The following TMTC2 variants were observed in gnomAD, a reference collection of about 807,000 sequenced individuals.
The protein encoded by TMTC2 is transmembrane O-mannosyltransferase targeting cadherins 2.
In TMTC2, 43 loss-of-function variants were observed where a neutral mutation model predicts 82.4. The observed-to-expected ratio is 0.52, with a 90% CI of 0.41 to 0.67. The LOEUF is 0.67. TMTC2 is among the 30% of genes least tolerant of loss of function. TMTC2 has a pLI of 0.00. For synonymous variants in TMTC2, 408 were observed against 381.9 expected (o/e 1.07, Z -0.80); for missense variants, 919 against 1,012.4 (o/e 0.91, Z 1.25).
intron 1 of TMTC2, among the ~76,000 whole-genome samples, chr12:82,733,927 A>C (rs1040353896): frequency 1.8e-4 from 27 of 152,176 alleles, no homozygotes; most frequent in African/African-American, 6.0e-4. Context: ...TTAGCTCACA[A>C]ATATTAATTG....
intron 3 of TMTC2, among the ~76,000 whole-genome samples, chr12:82,900,663 A>G (rs562823947): frequency 6.9e-6 from 1 of 143,924 alleles, no homozygotes; most frequent in East Asian, 2.1e-4. Flanking sequence ...GAATATATAT[A>G]TAGGAATATA....
chr12:82,995,003 A>G (rs973998352), intron 8 of TMTC2, among the ~76,000 whole-genome samples: 3 of 150,926 alleles, frequency 2.0e-5, no homozygotes, highest in African/African-American at 4.9e-5. Context: ...ACTTGACTTC[A>G]TAGCTTCCAG....
chr12:82,951,443 G>A (rs7295699), intron 4 of TMTC2, among the ~76,000 whole-genome samples: 111,383 of 151,904 alleles, frequency 0.73, 42,111 homozygotes, highest in South Asian at 0.85. Flanking sequence ...GGCACATGCC[G>A]CCACGCCCAG....
At chr12:82,958,272 T>C (rs1156891199) in intron 4 of TMTC2, among the ~76,000 whole-genome samples, 1 of 148,298 alleles carries the variant, frequency 6.7e-6, no homozygotes, top group Non-Finnish European at 1.5e-5. Context: ...GGAGAATCGC[T>C]TGAGCCTGGA....
intron 7 of TMTC2, among the ~76,000 whole-genome samples, chr12:82,973,755 T>C (rs937455697): frequency 1.1e-4 from 17 of 152,040 alleles, no homozygotes; most frequent in Admixed American, 6.6e-5. Flanking sequence ...AGAAGATATA[T>C]AGCCCCTACG....
chr12:82,734,027 T>C (rs1174050776), intron 1 of TMTC2, among the ~76,000 whole-genome samples: 1 of 152,218 alleles, frequency 6.6e-6, no homozygotes, highest in African/African-American at 2.4e-5. Context: ...TGTGAATTCA[T>C]TCATGTCTTC....
In TMTC2 at chr12:82,824,736, A is replaced by G. The variant is rs535429637; in HGVS notation, c.84-32274A>G. Among the ~76,000 whole-genome samples the G allele has an allele frequency of 2.0e-5, 3 of 152,108 alleles. No individual in the cohort carries two copies. The South Asian group carries it at 6.2e-4, about 32-fold the overall frequency. Reference sequence around the variant, plus strand: ...TTAGTATTTGAATTTTAAGCTTTCTAGTTAAGTAAGGGGGAGGCTAATTTT... The same window carrying G: ...TTAGTATTTGAATTTTAAGCTTTCTGGTTAAGTAAGGGGGAGGCTAATTTT... On this transcript the variant is annotated intron_variant, in intron 1 of 11. Coordinates refer to ENST00000321196, the MANE Select transcript of TMTC2 (RefSeq NM_152588.3).
chr12:83,048,785 C>T (rs771506029), intron 9 of TMTC2, among the ~76,000 whole-genome samples: 6 of 152,176 alleles, frequency 3.9e-5, no homozygotes, highest in East Asian at 1.9e-4. Context: ...TCTCCTGCCT[C>T]GGACACCCTA....
chr12:83,002,089 G>C (rs1427347165), intron 8 of TMTC2, among the ~76,000 whole-genome samples: 1 of 152,108 alleles, frequency 6.6e-6, no homozygotes, highest in Non-Finnish European at 1.5e-5. Flanking sequence ...AGAATTGTCT[G>C]TGAATCCATC....
Position 82,876,020 on chromosome 12 carries a change from AGTGGTGGCG to A in TMTC2, c.654+18448_654+18456del, listed in dbSNP as rs1469813148. On this transcript the variant is annotated intron_variant, in intron 2 of 11. Coordinates refer to ENST00000321196, the MANE Select transcript of TMTC2 (RefSeq NM_152588.3). The stretch of plus-strand genomic sequence containing the variant: ...TGGTATTGGTAATGGTAATGGTAGT[AGTGGTGGCG>A]GTGGTGGTGGTGGTGGTGGTGGTGG... 4.1e-4 allele frequency among the ~76,000 whole-genome samples: 31 copies of A among 75,658 alleles called. 1 individual carries two copies. Among genetic ancestry groups the A allele is most frequent in the Middle Eastern group, 8.9e-3 (1 of 112 alleles). The allele number at this position is 75,658 out of a possible 152,430, so 49.6% of individuals were successfully genotyped here.
At chr12:82,706,347 G>A (rs887049939) in intron 1 of TMTC2, among the ~76,000 whole-genome samples, 1 of 148,034 alleles carries the variant, frequency 6.8e-6, no homozygotes, top group Non-Finnish European at 1.5e-5. Context: ...AAAAAAGGAT[G>A]AGAGAGAGGA....
chr12:82,885,008 C>G (rs184527774), intron 2 of TMTC2, among the ~76,000 whole-genome samples: 6 of 152,266 alleles, frequency 3.9e-5, no homozygotes, highest in Admixed American at 2.6e-4. Context: ...ATCCTCCTTC[C>G]TCAGCCTCTC....
chr12:82,898,232 T>C (rs978577906), intron 3 of TMTC2, among the ~76,000 whole-genome samples: 4 of 152,212 alleles, frequency 2.6e-5, no homozygotes, highest in African/African-American at 9.6e-5. Flanking sequence ...TACTTCACAG[T>C]TTATTGAATG....
chr12:82,828,211 CTT>C (rs58399725), intron 1 of TMTC2, among the ~76,000 whole-genome samples: 13 of 109,656 alleles, frequency 1.2e-4, no homozygotes, highest in Admixed American at 2.0e-4. Context: ...TTTTCTTTGG[CTT>C]TTTTTTTTTT....
chr12:82,811,716 A>C (rs928427656), intron 1 of TMTC2, among the ~76,000 whole-genome samples: 1 of 148,714 alleles, frequency 6.7e-6, no homozygotes, highest in Non-Finnish European at 1.5e-5. Flanking sequence ...TATGAAAAGT[A>C]TTTTTTAATA....
At chr12:82,970,487 G>T (rs530151077) in intron 7 of TMTC2, among the ~76,000 whole-genome samples, 2 of 142,322 alleles carry the variant, frequency 1.4e-5, no homozygotes, top group African/African-American at 5.5e-5. Context: ...GCCCGCCACC[G>T]CGCCCGGCTA....
intron 8 of TMTC2, among the ~76,000 whole-genome samples, chr12:82,997,412 GTATATATATA>G (rs201322827): frequency 5.7e-5 from 2 of 35,244 alleles, no homozygotes; most frequent in Admixed American, 4.6e-4. Flanking sequence ...ATATATATGT[GTATATATATA>G]TATATACACA....
At chr12:83,054,978 G>T (rs1882486402) in intron 10 of TMTC2, among the ~76,000 whole-genome samples, 1 of 152,016 alleles carries the variant, frequency 6.6e-6, no homozygotes, top group East Asian at 1.9e-4. Context: ...ATAACCTACA[G>T]ACTCTACCAG....
chr12:82,718,862 G>A (rs1874026728), intron 1 of TMTC2, among the ~76,000 whole-genome samples: 1 of 151,586 alleles, frequency 6.6e-6, no homozygotes, highest in Non-Finnish European at 1.5e-5. Context: ...AGAAATTGTG[G>A]ATCCAAATAA....
Sources: allele counts gnomAD v4.1 joint callset (sites outside exome capture counted in the v4.1 genomes callset), GRCh38; gene constraint gnomAD v4.1.1; transcripts MANE v1.5; gene names NCBI Gene and HGNC (gene_info 2026-07-23, HGNC 2026-07-21).